Variants in NLK observed in about 807,000 individuals in gnomAD.
NLK encodes the protein nemo like kinase, also known as serine/threonine-protein kinase NLK.
Under a neutral mutation model 59.0 loss-of-function variants are expected in NLK, and 11 were observed. That is an observed-to-expected ratio of 0.19 (90% CI 0.12 to 0.31). NLK has a LOEUF of 0.31. NLK is among the 10% of genes least tolerant of loss of function. The pLI, the probability that NLK is intolerant of heterozygous loss-of-function variation, is 1.00. For synonymous variants in NLK, 235 were observed against 235.9 expected (o/e 1.00, Z 0.03); for missense variants, 410 against 661.1 (o/e 0.62, Z 4.16).
chr17:28,144,092 A>C (rs150357644), intron 3 of NLK, among the ~76,000 whole-genome samples: 3 of 152,310 alleles, frequency 2.0e-5, no homozygotes, highest in African/African-American at 7.2e-5. Flanking sequence ...ACATGGGAAG[A>C]TAGAAAATTG....
intron 7 of NLK, among the ~76,000 whole-genome samples, chr17:28,178,295 T>A (rs1283271649): frequency 6.6e-6 from 1 of 152,108 alleles, no homozygotes; most frequent in Non-Finnish European, 1.5e-5. Flanking sequence ...CTGGGTCAGG[T>A]GCCCATCCTT....
In NLK at chr17:28,043,147, C is replaced by G; in HGVS notation, c.274C>G (p.Pro92Ala). The change falls in exon 1 of 11, where the codon CCA becomes GCA. Residue 92 changes from proline (P) to alanine (A), a missense_variant. Pro to Ala is a conservative substitution (Grantham distance 27, BLOSUM62 -1). Coordinates refer to ENST00000407008, the MANE Select transcript of NLK (RefSeq NM_016231.5). The stretch of plus-strand genomic sequence containing the variant: ...CATGTTAAACCCTGGGCAACAACAG[C>G]CATATTTCCCATCACCGGCACCGGG... ...AAMLNPGQQQ[P>A]YFPSPAPGQA... 1 of 1,613,028 alleles carries G rather than the reference C, an allele frequency of 6.2e-7. No individual in the cohort carries two copies. The highest frequency in any genetic ancestry group is 8.5e-7 in the Non-Finnish European group (1 of 1,179,470).
At position 28,185,184 on chromosome 17, in the gene NLK, T is replaced by A. The variant is rs1342653020; in HGVS notation, c.1155T>A (p.Ser385=). The change falls in exon 8 of 11, where the codon TCT becomes TCA. Residue 385 remains serine, a synonymous_variant. Transcript: ENST00000407008. ...HILRGPHKQP[S]LPVLYTLSSQ... Reference sequence around the variant, plus strand: ...AATTTTTAATTTTTTCACAGCCATCTCTTCCTGTACTCTATACCCTGTCTA... The same window carrying A: ...AATTTTTAATTTTTTCACAGCCATCACTTCCTGTACTCTATACCCTGTCTA... 6.4e-7 allele frequency: 1 copy of A among 1,560,682 alleles called. No homozygotes were observed. Among genetic ancestry groups the A allele is most frequent in the Non-Finnish European group, 8.7e-7 (1 of 1,152,738 alleles).
intron 1 of NLK, among the ~76,000 whole-genome samples, chr17:28,055,181 C>G (rs1340445013): frequency 6.6e-6 from 1 of 151,172 alleles, no homozygotes; most frequent in Non-Finnish European, 1.5e-5. Flanking sequence ...CAGCCTCTGC[C>G]TCTCGGGTTC....
intron 1 of NLK, among the ~76,000 whole-genome samples, chr17:28,098,537 A>G (rs1026822431): frequency 4.6e-5 from 7 of 152,180 alleles, no homozygotes; most frequent in Admixed American, 2.6e-4. Flanking sequence ...TTATTCATCA[A>G]TAAGGGTGCA....
At chr17:28,062,702 T>C (rs1909703646) in intron 1 of NLK, among the ~76,000 whole-genome samples, 1 of 152,132 alleles carries the variant, frequency 6.6e-6, no homozygotes, top group Non-Finnish European at 1.5e-5. Context: ...TGCCTCAGCC[T>C]CCTGCATAGC....
chr17:28,049,178 T>A lies in NLK; in HGVS notation c.458+5847T>A, dbSNP rs139303361. Among the ~76,000 whole-genome samples, 351 of 152,336 alleles carry A rather than the reference T, an allele frequency of 2.3e-3. 3 individuals are homozygous for A. The highest frequency in any genetic ancestry group is 8.0e-3 in the African/African-American group (331 of 41,576). ...CTAGTGCAGAAACAGAAAAAACTGG[T>A]ACTCTGGCATTATGGAAAGATGACT... On this transcript the variant is annotated intron_variant, in intron 1 of 10. Transcript: ENST00000407008.
At chr17:28,087,943 G>A (rs1033359037) in intron 1 of NLK, among the ~76,000 whole-genome samples, 3 of 152,152 alleles carry the variant, frequency 2.0e-5, no homozygotes, top group Non-Finnish European at 4.4e-5. Context: ...GTCACCAAAG[G>A]AGGAAAGGCT....
intron 6 of NLK, 41 bp downstream of exon 6, chr17:28,168,698 A>G (rs1372206848): frequency 1.3e-6 from 2 of 1,490,730 alleles, no homozygotes; most frequent in Non-Finnish European, 1.9e-6. Flanking sequence ...ATTCTATTGC[A>G]GATTTGAAGG....
rs1402403898 is a variant in NLK, at chr17:28,188,641, C to A, written c.1237-2380C>A. 2.6e-5 allele frequency among the ~76,000 whole-genome samples: 4 copies of A among 152,194 alleles called. No individual in the cohort carries two copies. The East Asian group carries it at 7.7e-4, about 29-fold the overall frequency. On this transcript the variant is annotated intron_variant, in intron 8 of 10. Transcript: ENST00000407008. ...TACAGATGTGCGCCACCACACCCAG[C>A]TAATATATTTTTATATTTTTGGTAG...
At chr17:28,099,769 G>T (rs566548470) in intron 1 of NLK, among the ~76,000 whole-genome samples, 9 of 150,938 alleles carry the variant, frequency 6.0e-5, no homozygotes, top group Admixed American at 5.3e-4. Flanking sequence ...TAGTAGAGAC[G>T]GGGTTTCACC....
intron 3 of NLK, among the ~76,000 whole-genome samples, chr17:28,139,818 A>G (rs1260497055): frequency 6.6e-6 from 1 of 152,174 alleles, no homozygotes; most frequent in Non-Finnish European, 1.5e-5. Flanking sequence ...TCAACCCACC[A>G]TGCTCTGCTG....
chr17:28,134,226 C>T (rs757996116), intron 3 of NLK, among the ~76,000 whole-genome samples: 15 of 152,032 alleles, frequency 9.9e-5, no homozygotes, highest in Non-Finnish European at 2.1e-4. Flanking sequence ...AGCAAGGCCT[C>T]GTCTCTACCA....
At chr17:28,189,691 A>T (rs1034050213) in intron 8 of NLK, among the ~76,000 whole-genome samples, 1 of 152,240 alleles carries the variant, frequency 6.6e-6, no homozygotes, top group African/African-American at 2.4e-5. Flanking sequence ...ACAGTGGAAC[A>T]CTATCCCAGT....
chr17:28,191,351 C>T (rs1440779673), intron 9 of NLK, 132 bp downstream of exon 9: 5 of 620,586 alleles, frequency 8.1e-6, no homozygotes, highest in South Asian at 7.0e-5. Flanking sequence ...TTGCGTATAG[C>T]TGTGTGTCCG....
chr17:28,191,808 C>G (rs146961172), intron 9 of NLK, among the ~76,000 whole-genome samples: 277 of 152,278 alleles, frequency 1.8e-3, no homozygotes, highest in African/African-American at 6.3e-3. Flanking sequence ...CAATAATTGC[C>G]AGCAACTTAG....
intron 1 of NLK, among the ~76,000 whole-genome samples, chr17:28,096,676 C>G (rs1904712580): frequency 6.6e-6 from 1 of 152,124 alleles, no homozygotes; most frequent in African/African-American, 2.4e-5. Context: ...AGACACTTCT[C>G]TAGTTTCCCA....
chr17:28,149,666 A>AC (rs1276880271), intron 3 of NLK, among the ~76,000 whole-genome samples: 45 of 152,266 alleles, frequency 3.0e-4, no homozygotes, highest in African/African-American at 1.1e-3. Context: ...GAAAATCAGA[A>AC]CCTAAGGAGC....
chr17:28,094,884 A>G (rs1904644370), intron 1 of NLK, among the ~76,000 whole-genome samples: 1 of 152,152 alleles, frequency 6.6e-6, no homozygotes, highest in Non-Finnish European at 1.5e-5. Flanking sequence ...CCTTTCTCTG[A>G]CTTTCTCTGC....
Sources: gnomAD v4.1 joint callset for allele counts (sites outside exome capture counted in the v4.1 genomes callset) on GRCh38, gnomAD v4.1.1 for gene constraint, MANE v1.5 for transcripts, NCBI Gene and HGNC (gene_info 2026-07-23, HGNC 2026-07-21) for gene names.